Variants in CPS1 observed in about 807,000 individuals in gnomAD.
CPS1 encodes the protein carbamoyl-phosphate synthase 1.
CPS1 carries 109 observed loss-of-function variants against 174.6 expected under a neutral mutation model. The observed-to-expected ratio is 0.62, with a 90% CI of 0.53 to 0.73. CPS1 has a LOEUF of 0.73. CPS1 is among the 30% of genes least tolerant of loss of function. The probability of loss-of-function intolerance (pLI) is 0.00; values close to 1 mark genes in which losing one functional copy is unlikely to be tolerated. For synonymous variants in CPS1, 637 were observed against 632.0 expected (o/e 1.01, Z -0.12); for missense variants, 1,689 against 1,821.9 (o/e 0.93, Z 1.33).
At chr2:210,660,734 T>C (rs1700892338) in intron 32 of CPS1, 79 bp downstream of exon 32, 2 of 1,411,876 alleles carry the variant, frequency 1.4e-6, no homozygotes, top group Non-Finnish European at 2.0e-6. Context: ...AAAAATCTTG[T>C]TACTTTTAAA....
chr2:210,648,706 G>C (rs1031735985), intron 27 of CPS1, among the ~76,000 whole-genome samples, 166 bp downstream of exon 27: 7 of 152,194 alleles, frequency 4.6e-5, no homozygotes, highest in African/African-American at 1.7e-4. Flanking sequence ...TGGTCTTCTA[G>C]TTTAATGCTT....
intron 1 of CPS1, among the ~76,000 whole-genome samples, chr2:210,526,822 A>C (rs557590385): frequency 3.3e-5 from 5 of 151,978 alleles, no homozygotes; most frequent in Non-Finnish European, 7.4e-5. Flanking sequence ...ACATTACTCA[A>C]TTGCAAGCAT....
chr2:210,592,319 C>T (rs903517189), intron 10 of CPS1, among the ~76,000 whole-genome samples: 1 of 151,862 alleles, frequency 6.6e-6, no homozygotes, highest in Admixed American at 6.6e-5. Flanking sequence ...AGGTTTTCTC[C>T]CATAGCCCTC....
chr2:210,588,263 ATTC>A, intron 7 of CPS1, 116 bp downstream of exon 7: 1 of 863,472 alleles, frequency 1.2e-6, no homozygotes, highest in South Asian at 1.4e-5. Context: ...AGGGGTCTAC[ATTC>A]TTCTTGTTGC....
chr2:210,605,433 C>A (rs546524772), intron 17 of CPS1, among the ~76,000 whole-genome samples, 187 bp downstream of exon 17: 24 of 151,966 alleles, frequency 1.6e-4, no homozygotes, highest in African/African-American at 5.3e-4. Flanking sequence ...GATCTTCACA[C>A]AAACCCTGTG....
At chr2:210,607,532 A>T (rs548670177) in intron 18 of CPS1, among the ~76,000 whole-genome samples, 1 of 152,040 alleles carries the variant, frequency 6.6e-6, no homozygotes, top group South Asian at 2.1e-4. Flanking sequence ...CTTACACTTA[A>T]ATTATGGCAT....
Position 210,678,035 on chromosome 2 carries a change from A to T in CPS1, c.*50A>T, listed in dbSNP as rs752897106. 13 of 1,346,252 alleles carry T rather than the reference A, an allele frequency of 9.7e-6. No individual in the cohort carries two copies. The highest frequency in any genetic ancestry group is 2.3e-5 in the East Asian group (1 of 43,700). The allele number at this position is 1,346,252 out of a possible 1,614,324, so 83.4% of individuals were successfully genotyped here. A position where few individuals can be genotyped will look rare whatever the true frequency, so the allele number is the denominator to read the frequency against. ...ATTAAATCAACCTGAGCCACATGTT[A>T]TCTAAAGGAACTGATTCACAACTTT... On this transcript the variant is annotated 3_prime_UTR_variant, in exon 38 of 38. Coordinates refer to ENST00000233072, the MANE Select transcript of CPS1 (RefSeq NM_001875.5).
At chr2:210,550,242 A>C (rs951216682) in intron 1 of CPS1, among the ~76,000 whole-genome samples, 1 of 151,988 alleles carries the variant, frequency 6.6e-6, no homozygotes, top group Admixed American at 6.6e-5. Flanking sequence ...CACGAAATGC[A>C]AATATTTCTG....
chr2:210,544,356 C>T (rs555185507), intron 1 of CPS1, among the ~76,000 whole-genome samples: 1 of 151,968 alleles, frequency 6.6e-6, no homozygotes, highest in Non-Finnish European at 1.5e-5. Flanking sequence ...ATGATTAATC[C>T]TACTCAATTT....
upstream of CPS1, among the ~76,000 whole-genome samples, chr2:210,552,748 G>A (rs180741658): frequency 4.6e-5 from 7 of 151,674 alleles, no homozygotes; most frequent in East Asian, 7.8e-4. Context: ...GGCTGTCAGT[G>A]TTTCTTTATG....
chr2:210,536,170 T>G (rs1282283195), intron 1 of CPS1, among the ~76,000 whole-genome samples: 2 of 152,182 alleles, frequency 1.3e-5, no homozygotes, highest in African/African-American at 4.8e-5. Context: ...ATTAAGTTCC[T>G]GCAAAATGAC....
At chr2:210,543,856 A>G (rs1696494049) in intron 1 of CPS1, among the ~76,000 whole-genome samples, 1 of 152,154 alleles carries the variant, frequency 6.6e-6, no homozygotes, top group South Asian at 2.1e-4. Context: ...TGAATAAATT[A>G]GATACACAAA....
intron 29 of CPS1, 44 bp downstream of exon 29, chr2:210,654,146 A>AT: frequency 3.2e-6 from 5 of 1,549,620 alleles, no homozygotes; most frequent in Admixed American, 1.7e-5. Flanking sequence ...CCTTCTCATC[A>AT]TTTTTTTCTT....
intron 21 of CPS1, among the ~76,000 whole-genome samples, chr2:210,632,510 A>G (rs1403978269): frequency 6.6e-6 from 1 of 152,244 alleles, no homozygotes; most frequent in Non-Finnish European, 1.5e-5. Flanking sequence ...GTATAATGAC[A>G]TCTCAGCCAG....
intron 21 of CPS1, among the ~76,000 whole-genome samples, chr2:210,627,205 G>A (rs560784179): frequency 5.6e-4 from 85 of 152,236 alleles, no homozygotes; most frequent in African/African-American, 1.9e-3. Flanking sequence ...CAGGAAGTCT[G>A]GCAGGGAGAA....
chr2:210,613,666 G>A (rs1699207060), intron 20 of CPS1, among the ~76,000 whole-genome samples: 1 of 151,914 alleles, frequency 6.6e-6, no homozygotes, highest in Non-Finnish European at 1.5e-5. Flanking sequence ...CACTTTGAAG[G>A]AGATGAAAAA....
Position 210,487,180 on chromosome 2 carries a change from C to T in CPS1, c.3+9414C>T, listed in dbSNP as rs1694753973. 4.6e-5 allele frequency among the ~76,000 whole-genome samples: 7 copies of T among 152,264 alleles called. 1 individual carries two copies. In the South Asian group the frequency reaches 1.5e-3, roughly 32 times the overall value. ...CCTTAAATAAGCTATTCTTAACTTTCTCAGAAGGACCTACTGAACAACATG... is the reference window on the plus strand; with the variant it reads ...CCTTAAATAAGCTATTCTTAACTTTTTCAGAAGGACCTACTGAACAACATG... On this transcript the variant is annotated intron_variant, in intron 1 of 38. Coordinates refer to the CPS1 transcript ENST00000430249.
At position 210,480,826 on chromosome 2, in the gene CPS1, T is replaced by G. The variant is rs72932409; in HGVS notation, c.3+3060T>G. ...AGAGCATCTAAGCTTGAGTCTAATA[T>G]CACCACACTGCTGGTTTAACACCCA... On this transcript the variant is annotated intron_variant, in intron 1 of 38. Coordinates refer to the CPS1 transcript ENST00000430249. 5.3e-3 allele frequency among the ~76,000 whole-genome samples: 814 copies of G among 152,332 alleles called. 6 individuals carry two copies. Among genetic ancestry groups the G allele is most frequent in the Non-Finnish European group, 8.5e-3 (578 of 68,030 alleles).
intron 27 of CPS1, 134 bp from the exon 28 acceptor site, chr2:210,650,229 G>T: frequency 1.4e-6 from 1 of 731,278 alleles, no homozygotes; most frequent in South Asian, 1.6e-5. Flanking sequence ...ATGGAGAAAA[G>T]TCTCAATTTA....
Sources: allele counts gnomAD v4.1 joint callset (sites outside exome capture counted in the v4.1 genomes callset), GRCh38; gene constraint gnomAD v4.1.1; transcripts MANE v1.5; gene names NCBI Gene and HGNC (gene_info 2026-07-23, HGNC 2026-07-21).